Variants in TRAPPC9 observed in about 807,000 individuals in gnomAD.
TRAPPC9 encodes the protein trafficking protein particle complex subunit 9.
Under a neutral mutation model 124.0 loss-of-function variants are expected in TRAPPC9, and 83 were observed. The ratio of observed to expected loss-of-function variants is 0.67; its 90% CI spans 0.56 to 0.80. The LOEUF (loss-of-function observed/expected upper bound fraction) is 0.80. Ranked by LOEUF, TRAPPC9 falls within the 30% of genes least tolerant of loss-of-function variation. TRAPPC9 has a pLI of 0.00. For missense variants in TRAPPC9, 1,302 were observed against 1,508.3 expected (o/e 0.86, Z 2.27); for synonymous variants, 638 against 617.5 (o/e 1.03, Z -0.49).
Position 140,300,609 on chromosome 8 carries a change from A to G in TRAPPC9, c.1628T>C (p.Val543Ala), listed in dbSNP as rs200886297. 1.9e-4 allele frequency: 307 copies of G among 1,614,240 alleles called. No individual in the cohort carries two copies. The highest frequency in any genetic ancestry group is 4.8e-4 in the Admixed American group (29 of 60,030). ...GCTAGCAGGAAGGTTCAATAGTTTC[A>G]CATGCCTGTTGTTTCAAACAGAACA... The part of the protein sequence containing the change: ...PFTKLPIVRH[V>A]KLLNLPASLR... The change falls in exon 11 of 23, where the codon GTG (valine) becomes GCG (alanine). Residue 543 changes from valine to alanine, a missense_variant. By Grantham distance (64) the Val-to-Ala change is moderately conservative. Coordinates refer to ENST00000438773, the MANE Select transcript of TRAPPC9 (RefSeq NM_001160372.4).
At chr8:140,152,235 T>TAAAAAA (rs71320343) in intron 17 of TRAPPC9, among the ~76,000 whole-genome samples, 144 of 106,688 alleles carry the variant, frequency 1.3e-3, no homozygotes, top group African/African-American at 5.1e-3. Context: ...ACTTAAGCTT[T>TAAAAAA]AAAAAAAAAA....
intron 9 of TRAPPC9, among the ~76,000 whole-genome samples, chr8:140,340,663 GCCAGGATACAAAC>G (rs2067168351): frequency 6.6e-6 from 1 of 152,192 alleles, no homozygotes; most frequent in South Asian, 2.1e-4. Flanking sequence ...AAGTACATGA[GCCAGGATACAAAC>G]CCAGCTCTGC....
chr8:140,081,066 G>T (rs1023675531), intron 17 of TRAPPC9, among the ~76,000 whole-genome samples: 1 of 152,154 alleles, frequency 6.6e-6, no homozygotes, highest in African/African-American at 2.4e-5. Flanking sequence ...TGGCTCTGGA[G>T]GTGTGACCAA....
At chr8:139,857,721 C>T (rs968843393) in intron 21 of TRAPPC9, among the ~76,000 whole-genome samples, 11 of 152,250 alleles carry the variant, frequency 7.2e-5, no homozygotes, top group African/African-American at 2.7e-4. Context: ...GCAACTTGCT[C>T]ACCAGGAAGC....
rs11464909 is a variant in TRAPPC9, at chr8:140,427,092, A to ATT, written c.860-453_860-452dup. On this transcript the variant is annotated intron_variant, in intron 4 of 22. Transcript: ENST00000438773. ...AGGCGTGCGCCACCACGACCGGCTA[A>ATT]TTTTTTTTTTTTTTTTGTATTTTTA... Among the ~76,000 whole-genome samples, 522 of 138,358 alleles carry ATT rather than the reference A, an allele frequency of 3.8e-3. 5 individuals are homozygous for ATT. The highest frequency in any genetic ancestry group is 7.6e-3 in the Middle Eastern group (2 of 264). 90.8% of individuals were successfully genotyped at this position (138,358 alleles called of 152,430 possible). A position where few individuals can be genotyped will look rare whatever the true frequency, so the allele number is the denominator to read the frequency against.
intron 17 of TRAPPC9, among the ~76,000 whole-genome samples, chr8:140,028,643 C>A (rs1840305052): frequency 6.6e-6 from 1 of 152,234 alleles, no homozygotes; most frequent in African/African-American, 2.4e-5. Context: ...CACTCACTAA[C>A]CCTGTCTACT....
intron 17 of TRAPPC9, among the ~76,000 whole-genome samples, chr8:140,054,810 C>T (rs1008511982): frequency 2.4e-4 from 36 of 151,314 alleles, no homozygotes; most frequent in Admixed American, 1.4e-3. Flanking sequence ...ATGGCTACAT[C>T]GTAAAAAAAA....
At chr8:139,938,858 G>A (rs576697209) in intron 19 of TRAPPC9, among the ~76,000 whole-genome samples, 18 of 150,918 alleles carry the variant, frequency 1.2e-4, no homozygotes, top group Admixed American at 1.1e-3. Context: ...TGCTAGCCAG[G>A]ATGGTCTCGA....
At chr8:140,090,093 C>CACA (rs1175038375) in intron 17 of TRAPPC9, among the ~76,000 whole-genome samples, 2 of 151,760 alleles carry the variant, frequency 1.3e-5, no homozygotes, top group South Asian at 4.2e-4. Flanking sequence ...ACAACAACAA[C>CACA]ACAACAACAA....
chr8:139,791,816 G>C (rs892872421), intron 21 of TRAPPC9, among the ~76,000 whole-genome samples: 18 of 152,336 alleles, frequency 1.2e-4, no homozygotes, highest in East Asian at 1.2e-3. Context: ...CAAAGGGACA[G>C]GGACAGTGCA....
At chr8:139,786,278 A>G (rs1396121425) in intron 21 of TRAPPC9, among the ~76,000 whole-genome samples, 4 of 152,220 alleles carry the variant, frequency 2.6e-5, no homozygotes, top group African/African-American at 7.2e-5. Flanking sequence ...TAAGGAAGAC[A>G]ACATAGATGG....
chr8:140,405,269 T>G (rs1278437506), intron 6 of TRAPPC9: 4 of 263,826 alleles, frequency 1.5e-5, no homozygotes, highest in African/African-American at 2.3e-5. Flanking sequence ...TTTCTTAAAA[T>G]ATAAATAATA....
At chr8:140,162,535 G>A (rs1372661118) in intron 17 of TRAPPC9, among the ~76,000 whole-genome samples, 1 of 152,202 alleles carries the variant, frequency 6.6e-6, no homozygotes, top group African/African-American at 2.4e-5. Flanking sequence ...TTAAATAAAT[G>A]AATGAAAGAT....
At chr8:140,382,540 C>G (rs192790060) in intron 7 of TRAPPC9, among the ~76,000 whole-genome samples, 1 of 152,140 alleles carries the variant, frequency 6.6e-6, no homozygotes, top group Non-Finnish European at 1.5e-5. Flanking sequence ...GAGGGTCCCA[C>G]GCCCACGGAG....
rs570686302 is a variant in TRAPPC9 at position 140,425,768 on chromosome 8, G to A, written c.886+847C>T. Among the ~76,000 whole-genome samples, 203 of 152,240 alleles carry A rather than the reference G, an allele frequency of 1.3e-3. 3 individuals carry two copies. The highest frequency in any genetic ancestry group is 3.4e-3 in the Middle Eastern group (1 of 294). Reference sequence around the variant, plus strand: ...CTCTTCAGTGGCATAAAGTCTGCCCGCCTGACTGTCCCCCAGATGCCTTCT... The same window carrying A: ...CTCTTCAGTGGCATAAAGTCTGCCCACCTGACTGTCCCCCAGATGCCTTCT... On this transcript the variant is annotated intron_variant, in intron 5 of 22. Coordinates refer to ENST00000438773, the MANE Select transcript of TRAPPC9 (RefSeq NM_001160372.4).
chr8:140,370,409 G>A (rs918663771), intron 8 of TRAPPC9, among the ~76,000 whole-genome samples: 3 of 152,000 alleles, frequency 2.0e-5, no homozygotes, highest in African/African-American at 7.2e-5. Flanking sequence ...AAAGTGCTGG[G>A]GATTACAGGA....
chr8:140,339,845 T>C (rs2067145054), intron 9 of TRAPPC9, among the ~76,000 whole-genome samples: 1 of 152,180 alleles, frequency 6.6e-6, no homozygotes, highest in Non-Finnish European at 1.5e-5. Context: ...ACCACTGAGA[T>C]AAACTTTTTT....
In TRAPPC9 at chr8:139,832,679, A is replaced by T. The variant is rs527517228; in HGVS notation, c.3055+53200T>A. Among the ~76,000 whole-genome samples, 30 of 152,230 alleles carry T rather than the reference A, an allele frequency of 2.0e-4. No homozygotes were observed. In the South Asian group the frequency reaches 6.2e-3, roughly 32 times the overall value. On this transcript the variant is annotated intron_variant, in intron 21 of 22. Transcript: ENST00000438773. ...GCCTTCCCTCTGCTTGTGGGGCTCT[A>T]AGCCTGGCTGACTTCTCTTCCGCCT...
In TRAPPC9 at chr8:139,932,477, T is replaced by A. The variant is rs1483097486; in HGVS notation, c.2811-22177A>T. Reference sequence around the variant, plus strand: ...TGACTCCTGGGGTAGAAATGTCATGTAGACACTGGGCGCGGTGGCTCACGC... The same window carrying A: ...TGACTCCTGGGGTAGAAATGTCATGAAGACACTGGGCGCGGTGGCTCACGC... On this transcript the variant is annotated intron_variant, in intron 19 of 22. Transcript: ENST00000438773. The A allele has an allele frequency of 6.6e-6, 3 of 457,394 alleles. No individual in the cohort carries two copies. The Admixed American group carries it at 7.0e-5, about 11-fold the overall frequency. 28.3% of individuals were successfully genotyped at this position (457,394 alleles called of 1,614,324 possible).
Sources: gnomAD v4.1 joint callset for allele counts (sites outside exome capture counted in the v4.1 genomes callset) on GRCh38, gnomAD v4.1.1 for gene constraint, MANE v1.5 for transcripts, NCBI Gene and HGNC (gene_info 2026-07-23, HGNC 2026-07-21) for gene names.